Variants in LHFPL4 observed in about 807,000 individuals in gnomAD.
The protein encoded by LHFPL4 is LHFPL tetraspan subfamily member 4, also known as LHFPL tetraspan subfamily member 4 protein.
A neutral mutation model predicts 20.0 loss-of-function variants in LHFPL4; 6 were observed. That is an observed-to-expected ratio of 0.30 (90% CI 0.16 to 0.59). The LOEUF is 0.59. Among genes scored for constraint, LHFPL4 ranks in the 20% least tolerant of loss-of-function variants. The probability of loss-of-function intolerance (pLI) is 0.88; values close to 1 mark genes in which losing one functional copy is unlikely to be tolerated. For missense variants in LHFPL4, 215 were observed against 331.2 expected (o/e 0.65, Z 2.72); for synonymous variants, 129 against 143.8 (o/e 0.90, Z 0.74).
chr3:9,541,196 C>A (rs938649524), intron 2 of LHFPL4, among the ~76,000 whole-genome samples: 4 of 152,042 alleles, frequency 2.6e-5, no homozygotes, highest in Admixed American at 1.3e-4. Context: ...CCCACCTTGG[C>A]CTCCCAAAGT....
At chr3:9,522,646 G>C (rs1317556571) in intron 2 of LHFPL4, among the ~76,000 whole-genome samples, 1 of 151,114 alleles carries the variant, frequency 6.6e-6, no homozygotes, top group Non-Finnish European at 1.5e-5. Flanking sequence ...GAGGCTGAGA[G>C]GCAGGAGAAC....
Position 9,500,780 on chromosome 3 carries a change from C to T in LHFPL4, c.*1431G>A, listed in dbSNP as rs1270534241. 7 of 152,288 alleles carry T rather than the reference C, an allele frequency of 4.6e-5. No homozygotes were observed. The highest frequency in any genetic ancestry group is 1.2e-4 in the African/African-American group (5 of 41,416). 9.4% of individuals were successfully genotyped at this position (152,288 alleles called of 1,614,324 possible). On this transcript the variant is annotated 3_prime_UTR_variant, in exon 4 of 4. Transcript: ENST00000287585. ...TGAGGGAGCTGTCCAGGCCCCAGGG[C>T]AGGGAGGCTCCCCGGGAGAGATGGC... is the stretch of plus-strand genomic sequence containing the variant.
intron 2 of LHFPL4, among the ~76,000 whole-genome samples, chr3:9,509,020 TC>T (rs1352768178): frequency 1.3e-5 from 2 of 152,052 alleles, no homozygotes; most frequent in African/African-American, 4.8e-5. Flanking sequence ...GCCAGGAGCA[TC>T]CCCGTCTCCG....
rs1553647651 is a variant in LHFPL4, at chr3:9,523,989, C to CG, written c.407-17787_407-17786insC. Among the ~76,000 whole-genome samples, 16 of 141,502 alleles carry CG rather than the reference C, an allele frequency of 1.1e-4. No homozygotes were observed. In the East Asian group the frequency reaches 2.8e-3, roughly 25 times the overall value. 92.8% of individuals were successfully genotyped at this position (141,502 alleles called of 152,430 possible). On this transcript the variant is annotated intron_variant, in intron 2 of 3. Transcript: ENST00000287585. ...ACAATTCTAGGCTAGTATTTCCCCC[C>CG]CCCCCAACACTTTAAATATTTCACT...
chr3:9,537,976 C>G (rs533472173), intron 2 of LHFPL4, among the ~76,000 whole-genome samples: 62 of 152,238 alleles, frequency 4.1e-4, no homozygotes, highest in African/African-American at 1.4e-3. Context: ...AATAGACCTT[C>G]TCTTCCTCCA....
chr3:9,526,145 A>G (rs1002095467), intron 2 of LHFPL4, among the ~76,000 whole-genome samples: 6 of 152,250 alleles, frequency 3.9e-5, no homozygotes, highest in African/African-American at 1.4e-4. Flanking sequence ...CAAACACTGT[A>G]TGATTCCATT....
chr3:9,504,491 T>C (rs563652796), intron 3 of LHFPL4, among the ~76,000 whole-genome samples: 1 of 152,058 alleles, frequency 6.6e-6, no homozygotes, highest in Non-Finnish European at 1.5e-5. Context: ...ATGACCATCA[T>C]CCTACCTTTC....
chr3:9,545,210 G>A lies in LHFPL4; in HGVS notation c.406+7064C>T, dbSNP rs561220316. The stretch of plus-strand genomic sequence containing the variant: ...ACAGTGACTCAAAAGTACTAAAAAA[G>A]AGAGAGGAAGGAAGGGAGAATTGGG... On this transcript the variant is annotated intron_variant, in intron 2 of 3. Coordinates refer to ENST00000287585, the MANE Select transcript of LHFPL4 (RefSeq NM_198560.3). Among the ~76,000 whole-genome samples the A allele has an allele frequency of 7.4e-3, 1,121 of 152,162 alleles. 8 individuals carry two copies. The highest frequency in any genetic ancestry group is 0.024 in the Middle Eastern group (7 of 294).
intron 2 of LHFPL4, among the ~76,000 whole-genome samples, chr3:9,530,416 T>C (rs2046401728): frequency 6.6e-6 from 1 of 152,218 alleles, no homozygotes; most frequent in Non-Finnish European, 1.5e-5. Context: ...AACCAACCTC[T>C]GCTAGCTTCC....
Position 9,520,814 on chromosome 3 carries a change from G to A in LHFPL4, c.407-14611C>T, listed in dbSNP as rs138029233. ...TTCTGGTTCTTACATTTGTTAAGGT[G>A]TGTTTTTTGGTCCAGACCCTGTCTT... On this transcript the variant is annotated intron_variant, in intron 2 of 3. Transcript: ENST00000287585. Among the ~76,000 whole-genome samples the A allele has an allele frequency of 7.0e-4, 106 of 152,226 alleles. 3 individuals carry two copies. Among genetic ancestry groups the A allele is most frequent in the African/African-American group, 2.5e-3 (105 of 41,476 alleles).
intron 2 of LHFPL4, among the ~76,000 whole-genome samples, chr3:9,546,587 C>A (rs2046514860): frequency 6.6e-6 from 1 of 152,186 alleles, no homozygotes; most frequent in Admixed American, 6.5e-5. Context: ...CACTCTGTCA[C>A]CATGAACTTG....
intron 2 of LHFPL4, among the ~76,000 whole-genome samples, chr3:9,517,815 T>TTTTTTTTTTTTTG (rs2046313939): frequency 6.6e-6 from 1 of 150,494 alleles, no homozygotes; most frequent in African/African-American, 2.4e-5. Context: ...TTTGTTTTTT[T>TTTTTTTTTTTTTG]TTTTTTGCTT....
intron 2 of LHFPL4, among the ~76,000 whole-genome samples, chr3:9,522,375 G>T (rs1353611995): frequency 6.6e-6 from 1 of 152,152 alleles, no homozygotes; most frequent in East Asian, 1.9e-4. Flanking sequence ...GTGCGTGTGT[G>T]TATGTGTATA....
chr3:9,528,766 C>G (rs899294040), intron 2 of LHFPL4, among the ~76,000 whole-genome samples: 3 of 151,712 alleles, frequency 2.0e-5, no homozygotes, highest in African/African-American at 7.3e-5. Context: ...CAGGCGTGTG[C>G]CACCACACTG....
At chr3:9,534,191 T>C (rs1374816323) in intron 2 of LHFPL4, among the ~76,000 whole-genome samples, 1 of 151,624 alleles carries the variant, frequency 6.6e-6, no homozygotes, top group Non-Finnish European at 1.5e-5. Context: ...CACTCCAGCC[T>C]GGGTGACAGA....
At chr3:9,527,665 C>A (rs569971722) in intron 2 of LHFPL4, among the ~76,000 whole-genome samples, 1 of 152,038 alleles carries the variant, frequency 6.6e-6, no homozygotes, top group South Asian at 2.1e-4. Context: ...CAAGATCATG[C>A]CACTGCACTG....
At chr3:9,542,776 C>T (rs1357007816) in intron 2 of LHFPL4, among the ~76,000 whole-genome samples, 1 of 143,790 alleles carries the variant, frequency 7.0e-6, no homozygotes, top group African/African-American at 2.6e-5. Flanking sequence ...CACTGTACTC[C>T]AGCCTGGGTA....
chr3:9,524,543 G>A (rs775094617), intron 2 of LHFPL4, among the ~76,000 whole-genome samples: 134 of 152,148 alleles, frequency 8.8e-4, no homozygotes, highest in Admixed American at 1.2e-3. Flanking sequence ...CTAAAAGCCC[G>A]TCAAAGGCAT....
At chr3:9,543,362 G>A (rs924502878) in intron 2 of LHFPL4, among the ~76,000 whole-genome samples, 6 of 151,994 alleles carry the variant, frequency 3.9e-5, no homozygotes, top group Admixed American at 6.6e-5. Flanking sequence ...TTAGCTGGGC[G>A]TGGTGGCGGG....
Sources: allele counts gnomAD v4.1 joint callset (sites outside exome capture counted in the v4.1 genomes callset), GRCh38; gene constraint gnomAD v4.1.1; transcripts MANE v1.5; gene names NCBI Gene and HGNC (gene_info 2026-07-23, HGNC 2026-07-21).